The following PRORP variants were observed in gnomAD, a reference collection of about 807,000 sequenced individuals.
PRORP encodes the protein protein only RNase P catalytic subunit.
Under a neutral mutation model 59.4 loss-of-function variants are expected in PRORP, and 51 were observed. The ratio of observed to expected loss-of-function variants is 0.86; its 90% CI spans 0.69 to 1.08. The LOEUF (loss-of-function observed/expected upper bound fraction) is 1.08, where lower values mean the gene tolerates loss of function less well. Ranked by LOEUF, PRORP falls within the 50% of genes least tolerant of loss-of-function variation. The pLI, the probability that PRORP is intolerant of heterozygous loss-of-function variation, is 0.00. For missense variants in PRORP, 646 were observed against 690.3 expected, an observed-to-expected ratio of 0.94 and a Z score of 0.72; for synonymous variants, 231 against 245.6, an observed-to-expected ratio of 0.94 and a Z score of 0.55.
At chr14:35,212,290 A>G (rs2049468654) in intron 5 of PRORP, among the ~76,000 whole-genome samples, 1 of 152,030 alleles carries the variant, frequency 6.6e-6, no homozygotes, top group Non-Finnish European at 1.5e-5. Context: ...TGGTATTTTG[A>G]CCTCCTCCCA....
intron 2 of PRORP, among the ~76,000 whole-genome samples, chr14:35,125,058 T>A (rs1178970410): frequency 6.6e-6 from 1 of 151,388 alleles, no homozygotes. Context: ...AGAGACGGGG[T>A]TTCTCTATGT....
chr14:35,148,501 C>T (rs1229356933), intron 4 of PRORP, among the ~76,000 whole-genome samples: 1 of 152,110 alleles, frequency 6.6e-6, no homozygotes, highest in African/African-American at 2.4e-5. Context: ...GTTAGCCAGG[C>T]TTTGTTCCAT....
intron 4 of PRORP, among the ~76,000 whole-genome samples, chr14:35,147,526 G>A (rs1434622800): frequency 1.3e-5 from 2 of 151,896 alleles, no homozygotes; most frequent in African/African-American, 2.4e-5. Flanking sequence ...CTAATTTTTT[G>A]TCGAGCTGGG....
At position 35,203,307 on chromosome 14, in the gene PRORP, T is replaced by A. The variant is rs548500962; in HGVS notation, c.1275+22530T>A. The stretch of plus-strand genomic sequence containing the variant: ...GTTTTTATTTAATTGCAATGATCAC[T>A]TTAGCATTTGAAGAGTTTGAGGCCA... On this transcript the variant is annotated intron_variant, in intron 5 of 7. Coordinates refer to ENST00000534898, the MANE Select transcript of PRORP (RefSeq NM_014672.4). Among the ~76,000 whole-genome samples, 20 of 152,284 alleles carry A rather than the reference T, an allele frequency of 1.3e-4. No homozygotes were observed. In the East Asian group the frequency reaches 3.9e-3, roughly 29 times the overall value.
intron 5 of PRORP, among the ~76,000 whole-genome samples, chr14:35,258,459 T>A (rs2050813979): frequency 6.6e-6 from 1 of 151,592 alleles, no homozygotes; most frequent in African/African-American, 2.4e-5. Context: ...AAAGGAAAGG[T>A]GAAATAGTAG....
chr14:35,145,922 G>A (rs1040873743), intron 4 of PRORP, among the ~76,000 whole-genome samples: 12 of 151,106 alleles, frequency 7.9e-5, no homozygotes, highest in Admixed American at 1.3e-4. Flanking sequence ...TCCGCCTCCC[G>A]GGTTCAAGCG....
chr14:35,228,972 T>C (rs1180664913), intron 5 of PRORP, among the ~76,000 whole-genome samples: 2 of 152,222 alleles, frequency 1.3e-5, no homozygotes, highest in East Asian at 3.8e-4. Flanking sequence ...TTTTTACTTT[T>C]TAACAATATC....
Position 35,275,398 on chromosome 14 carries a change from A to G in PRORP, c.*1832A>G, listed in dbSNP as rs1001637980. The G allele has an allele frequency of 6.6e-6, 1 of 152,214 alleles. No individual in the cohort carries two copies. Among genetic ancestry groups the G allele is most frequent in the Non-Finnish European group, 1.5e-5 (1 of 68,048 alleles). The allele number at this position is 152,214 out of a possible 1,614,324, so 9.4% of individuals were successfully genotyped here. On this transcript the variant is annotated 3_prime_UTR_variant, in exon 8 of 8. Coordinates refer to ENST00000534898, the MANE Select transcript of PRORP (RefSeq NM_014672.4). ...TTCTTACCTATTTACTGAATGCAAC[A>G]TTACTGCACACCAAGACAAAAGAGC...
intron 4 of PRORP, among the ~76,000 whole-genome samples, chr14:35,154,265 C>T (rs190587563): frequency 1.3e-5 from 2 of 152,266 alleles, no homozygotes; most frequent in African/African-American, 2.4e-5. Context: ...CTGTATGTAG[C>T]ACAGTGTCAG....
Position 35,123,990 on chromosome 14 carries a change from G to A in PRORP, c.745G>A (p.Asp249Asn). ...AACTCCTTCAAAAAAGAACTATAAT[G>A]ACTGTATCCAGGGAGCTCTCCTTCA... ...VITPSKKNYN[D>N]CIQGALLHQD... The change falls in exon 2 of 8, where the codon GAC (aspartate) becomes AAC (asparagine). Residue 249 changes from aspartate to asparagine, a missense_variant. Transcript: ENST00000534898. 1 of 1,614,058 alleles carries A rather than the reference G, an allele frequency of 6.2e-7. No homozygotes were observed. Among genetic ancestry groups the A allele is most frequent in the Non-Finnish European group, 8.5e-7 (1 of 1,180,004 alleles).
At chr14:35,177,939 G>A (rs1460384333) in intron 4 of PRORP, among the ~76,000 whole-genome samples, 1 of 152,128 alleles carries the variant, frequency 6.6e-6, no homozygotes, top group African/African-American at 2.4e-5. Flanking sequence ...ATTCTGGTAT[G>A]TTTTGTCTTT....
At chr14:35,239,480 A>G (rs1193165828) in intron 5 of PRORP, among the ~76,000 whole-genome samples, 1 of 152,154 alleles carries the variant, frequency 6.6e-6, no homozygotes, top group Non-Finnish European at 1.5e-5. Context: ...TCTCCTCAGC[A>G]TTTGAATACC....
intron 4 of PRORP, among the ~76,000 whole-genome samples, chr14:35,151,532 T>G (rs1566458649): frequency 6.6e-6 from 1 of 151,792 alleles, no homozygotes; most frequent in Non-Finnish European, 1.5e-5. Flanking sequence ...TCATCCTTGA[T>G]TCCCCTCTTT....
intron 5 of PRORP, among the ~76,000 whole-genome samples, chr14:35,215,727 C>G (rs551483062): frequency 3.9e-5 from 6 of 151,910 alleles, no homozygotes; most frequent in African/African-American, 1.4e-4. Flanking sequence ...TATTTCACCA[C>G]TGCACTCCAG....
chr14:35,174,433 T>C (rs1484177771), intron 4 of PRORP, among the ~76,000 whole-genome samples: 1 of 152,208 alleles, frequency 6.6e-6, no homozygotes, highest in Non-Finnish European at 1.5e-5. Context: ...GTTTATTTTC[T>C]GCATCCTCCC....
intron 5 of PRORP, among the ~76,000 whole-genome samples, chr14:35,251,005 T>G (rs927067054): frequency 6.6e-6 from 1 of 152,200 alleles, no homozygotes; most frequent in Admixed American, 6.5e-5. Flanking sequence ...AATTTGTATT[T>G]TATCCCTTAC....
rs544035974 is a variant in PRORP, at chr14:35,140,314, G to A, written c.1167+12703G>A. On this transcript the variant is annotated intron_variant, in intron 4 of 7. Coordinates refer to ENST00000534898, the MANE Select transcript of PRORP (RefSeq NM_014672.4). ...ACCATTTTACATTTCCACCAGCAGA[G>A]TATGAGGGCTATAGTAGCCCCACAT... Among the ~76,000 whole-genome samples the A allele has an allele frequency of 1.2e-3, 176 of 145,366 alleles. 23 individuals are homozygous for A. The highest frequency in any genetic ancestry group is 2.5e-3 in the Non-Finnish European group (161 of 65,444).
At chr14:35,182,080 A>G (rs1053458397) in intron 5 of PRORP, among the ~76,000 whole-genome samples, 4 of 151,600 alleles carry the variant, frequency 2.6e-5, no homozygotes, top group Non-Finnish European at 4.4e-5. Flanking sequence ...CCTGGCTAAC[A>G]TGGTGAAACC....
intron 4 of PRORP, among the ~76,000 whole-genome samples, chr14:35,173,324 T>A (rs924479279): frequency 1.3e-5 from 2 of 152,196 alleles, no homozygotes; most frequent in Non-Finnish European, 2.9e-5. Context: ...AATTATTGAT[T>A]TTTTGCTAAT....
Sources: gnomAD v4.1 joint callset for allele counts (sites outside exome capture counted in the v4.1 genomes callset) on GRCh38, gnomAD v4.1.1 for gene constraint, MANE v1.5 for transcripts, NCBI Gene and HGNC (gene_info 2026-07-23, HGNC 2026-07-21) for gene names.